WDR64: variants seen among roughly 807,000 people sequenced by gnomAD.
WDR64 encodes WD repeat-containing protein 64.
A neutral mutation model predicts 139.3 loss-of-function variants in WDR64; 112 were observed. The ratio of observed to expected loss-of-function variants is 0.80; its 90% CI spans 0.69 to 0.94. The LOEUF is 0.94. WDR64 is among the 40% of genes least tolerant of loss of function. The probability of loss-of-function intolerance (pLI) is 0.00; values close to 1 mark genes in which losing one functional copy is unlikely to be tolerated. For synonymous variants in WDR64, 444 were observed against 437.7 expected (o/e 1.01, Z -0.18); for missense variants, 1,206 against 1,293.1 (o/e 0.93, Z 1.03).
chr1:241,687,015 T>TA (rs969894676), intron 7 of WDR64, among the ~76,000 whole-genome samples: 3 of 152,052 alleles, frequency 2.0e-5, no homozygotes, highest in African/African-American at 4.8e-5. Flanking sequence ...AATAAACAGT[T>TA]AAAAGTGGGC....
chr1:241,735,984 C>T (rs1669309147), intron 10 of WDR64, among the ~76,000 whole-genome samples: 2 of 151,952 alleles, frequency 1.3e-5, no homozygotes, highest in African/African-American at 4.8e-5. Context: ...CAGAGGTTAC[C>T]TTGCTTTAGT....
rs369207105 is a variant in WDR64, at chr1:241,744,505, G to T, written c.1583G>T (p.Gly528Val). The part of the protein sequence containing the change: ...VDESGFLFAT[G>V]AYNGTVRIWD... ...GAAAGTGGATTTCTTTTTGCCACAG[G>T]AGCGTATAATGGTCAGACTAACATC... Residue 528 changes from glycine (G) to valine (V), a missense_variant, in exon 13 of 28, where the codon GGA becomes GTA. Transcript: ENST00000437684. 1 of 1,614,026 alleles carries T rather than the reference G, an allele frequency of 6.2e-7. No individual in the cohort carries two copies. Among genetic ancestry groups the T allele is most frequent in the Non-Finnish European group, 8.5e-7 (1 of 1,179,976 alleles).
chr1:241,667,774 A>G (rs772762522), intron 2 of WDR64, among the ~76,000 whole-genome samples: 3 of 152,218 alleles, frequency 2.0e-5, no homozygotes, highest in Non-Finnish European at 2.9e-5. Flanking sequence ...ATGCATCTCT[A>G]CTGACACCTT....
rs76283111 is a variant in WDR64 at position 241,654,435 on chromosome 1, A to G, written c.145+1806A>G. Among the ~76,000 whole-genome samples, 113 of 152,362 alleles carry G rather than the reference A, an allele frequency of 7.4e-4. 1 individual carries two copies. Among genetic ancestry groups the G allele is most frequent in the African/African-American group, 2.5e-3 (103 of 41,594 alleles). ...ATAAGCTAATATAGTTGCCAAATTC[A>G]ATAAATTGTTTTCATTTTCCAGCCT... On this transcript the variant is annotated intron_variant, in intron 1 of 27. Transcript: ENST00000437684.
chr1:241,707,065 C>A (rs1256360842), intron 8 of WDR64, among the ~76,000 whole-genome samples: 1 of 152,122 alleles, frequency 6.6e-6, no homozygotes, highest in Non-Finnish European at 1.5e-5. Flanking sequence ...CACCACAGCC[C>A]CCCTTCTCCC....
chr1:241,683,559 C>G lies in WDR64; in HGVS notation c.697C>G (p.Leu233Val). 1.3e-6 allele frequency: 2 copies of G among 1,551,682 alleles called. No homozygotes were observed. Among genetic ancestry groups the G allele is most frequent in the Non-Finnish European group, 1.7e-6 (2 of 1,146,932 alleles). The part of the protein sequence containing the change: ...CVCVVPLPDH[L>V]CRDDILLGDD... The stretch of plus-strand genomic sequence containing the variant: ...GTGTGTGGTGCCTTTGCCTGACCAT[C>G]TCTGCCGAGATGACATCCTCTTGGG... The change falls in exon 7 of 28, where the codon CTC becomes GTC. Residue 233 changes from leucine (L) to valine (V), a missense_variant. Transcript: ENST00000437684.
At chr1:241,741,477 T>C (rs762565213) in intron 11 of WDR64, 39 bp from the exon 12 acceptor site, 10 of 1,558,026 alleles carry the variant, frequency 6.4e-6, no homozygotes, top group Non-Finnish European at 7.8e-6. Context: ...TAGAAACTTC[T>C]AATATTGCAT....
intron 11 of WDR64, among the ~76,000 whole-genome samples, chr1:241,739,519 G>A (rs1669453404): frequency 6.6e-6 from 1 of 152,134 alleles, no homozygotes; most frequent in Non-Finnish European, 1.5e-5. Context: ...ACAGGACTTA[G>A]TTTTAGTTGT....
At chr1:241,661,163 TA>T (rs371690583) in intron 2 of WDR64, among the ~76,000 whole-genome samples, 4,333 of 149,096 alleles carry the variant, frequency 0.029, 121 homozygotes, top group South Asian at 0.11. Flanking sequence ...TCTGGTTCTT[TA>T]AAAAAAAAAT....
intron 8 of WDR64, among the ~76,000 whole-genome samples, chr1:241,705,511 C>A (rs1233623353): frequency 6.7e-6 from 1 of 150,104 alleles, no homozygotes; most frequent in Non-Finnish European, 1.5e-5. Flanking sequence ...CACTGCACTC[C>A]AGCCTGGGCG....
chr1:241,693,900 A>C (rs1038534551), intron 8 of WDR64, among the ~76,000 whole-genome samples: 1 of 152,094 alleles, frequency 6.6e-6, no homozygotes, highest in African/African-American at 2.4e-5. Flanking sequence ...AACCCTAATA[A>C]ATTTTTCTGA....
At chr1:241,727,253 A>C (rs1222869183) in intron 10 of WDR64, among the ~76,000 whole-genome samples, 1 of 152,246 alleles carries the variant, frequency 6.6e-6, no homozygotes, top group African/African-American at 2.4e-5. Flanking sequence ...CTAAAACTAA[A>C]AACATGTTAC....
intron 24 of WDR64, among the ~76,000 whole-genome samples, chr1:241,789,796 C>T (rs540884970): frequency 6.6e-6 from 1 of 152,208 alleles, no homozygotes; most frequent in African/African-American, 2.4e-5. Flanking sequence ...AGACTTAATA[C>T]CTGGGTGATG....
chr1:241,740,050 A>G (rs948464379), intron 11 of WDR64, among the ~76,000 whole-genome samples: 12 of 152,218 alleles, frequency 7.9e-5, no homozygotes, highest in Non-Finnish European at 1.5e-5. Context: ...CACAGCCACC[A>G]TATGAGGTAG....
intron 8 of WDR64, among the ~76,000 whole-genome samples, chr1:241,702,799 T>A (rs990177814): frequency 6.6e-6 from 1 of 152,252 alleles, no homozygotes; most frequent in Admixed American, 6.5e-5. Context: ...TGGTCATGAA[T>A]AGAGCTGTAA....
intron 15 of WDR64, among the ~76,000 whole-genome samples, chr1:241,759,162 C>G (rs1670329278): frequency 6.6e-6 from 1 of 152,022 alleles, no homozygotes; most frequent in African/African-American, 2.4e-5. Flanking sequence ...ATTCTAGTTT[C>G]AGAAAACAAT....
rs145572969 is a variant in WDR64 at position 241,768,923 on chromosome 1, A to C, written c.2082-481A>C. Reference sequence around the variant, plus strand: ...CTTTAAGGGTAATAATATTTTATTCAAATTTATTACTCCACTTATTTAAAA... The same window carrying C: ...CTTTAAGGGTAATAATATTTTATTCCAATTTATTACTCCACTTATTTAAAA... On this transcript the variant is annotated intron_variant, in intron 16 of 27. Coordinates refer to ENST00000437684, the MANE Select transcript of WDR64 (RefSeq NM_001367482.1). Among the ~76,000 whole-genome samples the C allele has an allele frequency of 4.6e-3, 703 of 152,256 alleles. 6 individuals are homozygous for C. Among genetic ancestry groups the C allele is most frequent in the African/African-American group, 0.016 (669 of 41,546 alleles).
chr1:241,795,503 T>C (rs1005920659), intron 26 of WDR64, among the ~76,000 whole-genome samples: 4 of 152,228 alleles, frequency 2.6e-5, no homozygotes, highest in Non-Finnish European at 5.9e-5. Flanking sequence ...TGGTGGTTAT[T>C]TTGAACGTTA....
intron 20 of WDR64, among the ~76,000 whole-genome samples, chr1:241,774,503 T>C (rs1658576293): frequency 2.0e-5 from 3 of 152,222 alleles, no homozygotes; most frequent in Non-Finnish European, 4.4e-5. Context: ...ATGATGTTTA[T>C]TCTCTAAGCA....
Sources: gnomAD v4.1 joint callset for allele counts (sites outside exome capture counted in the v4.1 genomes callset) on GRCh38, gnomAD v4.1.1 for gene constraint, MANE v1.5 for transcripts, NCBI Gene and HGNC (gene_info 2026-07-23, HGNC 2026-07-21) for gene names.